MIR2052HG: variants seen among roughly 807,000 people sequenced by gnomAD.
MIR2052HG encodes MIR2052 host gene.
intron 1 of MIR2052HG, among the ~76,000 whole-genome samples, chr8:74,608,835 A>ATT (rs1347703290): frequency 6.6e-6 from 1 of 152,094 alleles, no homozygotes; most frequent in Non-Finnish European, 1.5e-5. Context: ...AACTACCTGT[A>ATT]TTAGAAAAGA....
At chr8:74,717,430 A>C (rs1001776049) in intron 4 of MIR2052HG, among the ~76,000 whole-genome samples, 3 of 152,166 alleles carry the variant, frequency 2.0e-5, no homozygotes, top group Non-Finnish European at 2.9e-5. Context: ...GGTTGGTTCC[A>C]TGTCTTTGCT....
intron 4 of MIR2052HG, among the ~76,000 whole-genome samples, chr8:74,737,620 G>A (rs2128755427): frequency 6.6e-6 from 1 of 152,216 alleles, no homozygotes; most frequent in South Asian, 2.1e-4. Context: ...TTGGCCTAAT[G>A]TCCTGATCAT....
At chr8:74,720,692 A>G (rs911682622) in intron 4 of MIR2052HG, among the ~76,000 whole-genome samples, 1 of 152,258 alleles carries the variant, frequency 6.6e-6, no homozygotes, top group African/African-American at 2.4e-5. Flanking sequence ...ATCCATTTTC[A>G]TACTGCTATA....
chr8:74,605,092 G>C (rs1808092048), intron 1 of MIR2052HG, among the ~76,000 whole-genome samples: 2 of 152,052 alleles, frequency 1.3e-5, no homozygotes. Context: ...ATGGGCCCTT[G>C]TTGCACCCTA....
intron 2 of MIR2052HG, among the ~76,000 whole-genome samples, chr8:74,699,794 A>G (rs920358653): frequency 6.6e-6 from 1 of 152,156 alleles, no homozygotes; most frequent in African/African-American, 2.4e-5. Flanking sequence ...AAATTTAAAA[A>G]ATACAATTAA....
At chr8:74,600,214 G>A (rs1807973229) in intron 1 of MIR2052HG, among the ~76,000 whole-genome samples, 1 of 152,060 alleles carries the variant, frequency 6.6e-6, no homozygotes, top group African/African-American at 2.4e-5. Context: ...GGGAGCTGTA[G>A]ACTGGAGCTG....
In MIR2052HG at chr8:74,606,880, A is replaced by G. The variant is rs557224754; in HGVS notation, n.129-5973A>G. On this transcript the variant is annotated intron_variant and non_coding_transcript_variant, in intron 1 of 6. Coordinates refer to ENST00000523442, the Ensembl canonical transcript of MIR2052HG. ...CAAACATTAAAAGAACACAACAAAA[A>G]CATAGCTAGTATGTAACAAAGAAAA... is the stretch of plus-strand genomic sequence containing the variant. 3.9e-5 allele frequency among the ~76,000 whole-genome samples: 6 copies of G among 152,280 alleles called. No homozygotes were observed. The South Asian group carries it at 1.2e-3, about 32-fold the overall frequency.
intron 4 of MIR2052HG, among the ~76,000 whole-genome samples, chr8:74,726,874 C>T (rs1452466121): frequency 6.6e-6 from 1 of 152,106 alleles, no homozygotes; most frequent in African/African-American, 2.4e-5. Flanking sequence ...CATGGGCTGC[C>T]CAATATATTT....
chr8:74,730,008 A>G (rs1458195907), intron 4 of MIR2052HG, among the ~76,000 whole-genome samples: 1 of 152,156 alleles, frequency 6.6e-6, no homozygotes, highest in Non-Finnish European at 1.5e-5. Context: ...AAATGTGAAT[A>G]ACTTTTACTT....
intron 2 of MIR2052HG, among the ~76,000 whole-genome samples, chr8:74,624,922 G>C (rs1437815389): frequency 6.6e-6 from 1 of 152,186 alleles, no homozygotes; most frequent in East Asian, 1.9e-4. Context: ...TAAGGAAGAA[G>C]ATCATGGAAA....
At chr8:74,679,143 T>A (rs1459441781) in intron 2 of MIR2052HG, among the ~76,000 whole-genome samples, 5 of 152,310 alleles carry the variant, frequency 3.3e-5, no homozygotes, top group African/African-American at 1.2e-4. Flanking sequence ...GGTTTTTTGT[T>A]CATGGATAAG....
intron 4 of MIR2052HG, among the ~76,000 whole-genome samples, chr8:74,709,325 A>G (rs1809443482): frequency 6.6e-6 from 1 of 152,138 alleles, no homozygotes; most frequent in Admixed American, 6.6e-5. Context: ...AACTGGCATC[A>G]TGGAGAATTA....
rs11994986 is a variant in MIR2052HG, at chr8:74,608,454, A to G, written n.129-4399A>G. ...GAATATTGAAGTCTTAACACTATCA[A>G]TCAGGTTGACCTTATTGACCTACAA... On this transcript the variant is annotated intron_variant and non_coding_transcript_variant, in intron 1 of 6. Transcript: ENST00000523442. Among the ~76,000 whole-genome samples the G allele has an allele frequency of 2.7e-3, 409 of 152,342 alleles. 3 individuals carry two copies. The highest frequency in any genetic ancestry group is 8.9e-3 in the African/African-American group (371 of 41,584).
chr8:74,742,608 A>C (rs1809842091), intron 4 of MIR2052HG, among the ~76,000 whole-genome samples: 1 of 152,024 alleles, frequency 6.6e-6, no homozygotes, highest in East Asian at 1.9e-4. Context: ...ATTAGTAGTC[A>C]TTGCTGGGAA....
intron 2 of MIR2052HG, among the ~76,000 whole-genome samples, chr8:74,632,827 C>G (rs1454478112): frequency 6.6e-6 from 1 of 151,994 alleles, no homozygotes; most frequent in South Asian, 2.1e-4. Context: ...ATAATCAGCT[C>G]GTGTTGATCG....
At chr8:74,607,961 C>T (rs543747476) in intron 1 of MIR2052HG, among the ~76,000 whole-genome samples, 3 of 152,204 alleles carry the variant, frequency 2.0e-5, no homozygotes, top group African/African-American at 7.2e-5. Flanking sequence ...TAGCTTGGTG[C>T]CTTATCTATT....
intron 1 of MIR2052HG, chr8:74,603,313 T>C: frequency 6.2e-7 from 1 of 1,602,890 alleles, no homozygotes; most frequent in South Asian, 1.1e-5. Flanking sequence ...GCCACCCGTC[T>C]CCGAGGAAAG....
intron 2 of MIR2052HG, among the ~76,000 whole-genome samples, chr8:74,663,190 G>A (rs1808885471): frequency 6.6e-6 from 1 of 152,036 alleles, no homozygotes; most frequent in Non-Finnish European, 1.5e-5. Context: ...AAGTGAAAGT[G>A]AACAGAAGAT....
At chr8:74,631,960 C>T (rs1808516905) in intron 2 of MIR2052HG, among the ~76,000 whole-genome samples, 1 of 152,170 alleles carries the variant, frequency 6.6e-6, no homozygotes, top group Admixed American at 6.5e-5. Flanking sequence ...AAAGATCCCA[C>T]CTCTTAACAC....
Sources: gnomAD v4.1 joint callset for allele counts (sites outside exome capture counted in the v4.1 genomes callset) on GRCh38, gnomAD v4.1.1 for gene constraint, MANE v1.5 for transcripts, NCBI Gene and HGNC (gene_info 2026-07-23, HGNC 2026-07-21) for gene names.